The following CEP128 variants were observed in gnomAD, a reference collection of about 807,000 sequenced individuals.
CEP128 encodes the protein centrosomal protein 128, also known as centrosomal protein 128kDa.
A neutral mutation model predicts 156.7 loss-of-function variants in CEP128; 132 were observed. That is an observed-to-expected ratio of 0.84 (90% CI 0.73 to 0.97). The LOEUF is 0.97. Ranked by LOEUF, CEP128 falls within the 50% of genes least tolerant of loss-of-function variation. CEP128 has a pLI of 0.00. For missense variants in CEP128, 1,252 were observed against 1,281.9 expected (o/e 0.98, Z 0.36); for synonymous variants, 469 against 448.9 (o/e 1.04, Z -0.57).
intron 8 of CEP128, among the ~76,000 whole-genome samples, chr14:80,874,155 A>G (rs1282890663): frequency 6.6e-6 from 1 of 152,138 alleles, no homozygotes; most frequent in East Asian, 1.9e-4. Flanking sequence ...ACTTAGTCAA[A>G]TCTTGTGCAT....
At chr14:80,925,007 G>T (rs1885070588) in intron 2 of CEP128, among the ~76,000 whole-genome samples, 1 of 152,096 alleles carries the variant, frequency 6.6e-6, no homozygotes, top group African/African-American at 2.4e-5. Context: ...TCTGGTTTTG[G>T]TAGCTGGATG....
At chr14:80,891,506 A>C (rs144315702) in intron 8 of CEP128, among the ~76,000 whole-genome samples, 2 of 151,852 alleles carry the variant, frequency 1.3e-5, no homozygotes, top group Non-Finnish European at 2.9e-5. Context: ...TCAAATTCAC[A>C]GAGAGTACAA....
intron 19 of CEP128, among the ~76,000 whole-genome samples, chr14:80,590,513 T>A (rs1474047265): frequency 6.6e-6 from 1 of 151,940 alleles, no homozygotes; most frequent in Non-Finnish European, 1.5e-5. Flanking sequence ...AAATACTGTT[T>A]AGGAATAAAG....
At chr14:80,944,737 G>A (rs532071117), upstream of CEP128, among the ~76,000 whole-genome samples, 1 of 147,708 alleles carries the variant, frequency 6.8e-6, no homozygotes, top group South Asian at 2.2e-4. Flanking sequence ...CAGGAGAACG[G>A]CGTAAACCCG....
chr14:80,772,951 A>G (rs989532827), intron 16 of CEP128, among the ~76,000 whole-genome samples: 1 of 152,224 alleles, frequency 6.6e-6, no homozygotes, highest in Non-Finnish European at 1.5e-5. Flanking sequence ...CGAACTTGCA[A>G]CATTGTCAAG....
In CEP128 at chr14:80,934,397, G is replaced by C. The variant is rs146079296; in HGVS notation, c.-16+4988C>G. Reference sequence around the variant, plus strand: ...ACATCGATAAAGTAGAAACATACTGGATTTAACGATTGGAGCACATAGCTG... The same window carrying C: ...ACATCGATAAAGTAGAAACATACTGCATTTAACGATTGGAGCACATAGCTG... On this transcript the variant is annotated intron_variant, in intron 2 of 24. Coordinates refer to ENST00000555265, the MANE Select transcript of CEP128 (RefSeq NM_152446.5). Among the ~76,000 whole-genome samples the C allele has an allele frequency of 5.9e-5, 9 of 152,326 alleles. No individual in the cohort carries two copies. In the East Asian group the frequency reaches 1.7e-3, roughly 29 times the overall value.
At chr14:80,700,447 C>G (rs974456229) in intron 19 of CEP128, among the ~76,000 whole-genome samples, 1 of 151,786 alleles carries the variant, frequency 6.6e-6, no homozygotes, top group Non-Finnish European at 1.5e-5. Flanking sequence ...AAAAACAAGA[C>G]TAAACTGCAA....
At chr14:80,553,124 G>C (rs1890280992) in intron 21 of CEP128, among the ~76,000 whole-genome samples, 1 of 151,220 alleles carries the variant, frequency 6.6e-6, no homozygotes, top group East Asian at 1.9e-4. Flanking sequence ...TACATGTGCA[G>C]AATGTGCAGA....
At chr14:80,776,006 G>T (rs1373912330) in intron 16 of CEP128, among the ~76,000 whole-genome samples, 1 of 152,016 alleles carries the variant, frequency 6.6e-6, no homozygotes, top group African/African-American at 2.4e-5. Flanking sequence ...GCTAATTTTT[G>T]TATTTTTAGC....
downstream of CEP128, among the ~76,000 whole-genome samples, chr14:80,486,623 C>A (rs1007721304): frequency 2.0e-5 from 3 of 152,120 alleles, no homozygotes; most frequent in Admixed American, 2.0e-4. Flanking sequence ...CAGAGAGAAA[C>A]GTTGGGTTAC....
chr14:80,623,316 G>A lies in CEP128; in HGVS notation c.2807-42893C>T, dbSNP rs1169178680. 5.3e-5 allele frequency among the ~76,000 whole-genome samples: 8 copies of A among 150,952 alleles called. No homozygotes were observed. In the East Asian group the frequency reaches 1.6e-3, roughly 30 times the overall value. On this transcript the variant is annotated intron_variant, in intron 19 of 24. Transcript: ENST00000555265. ...ACACTCTGGGGACTGTTGTGGGGTGGGGGGAAGGGGGAGGGATAGCATTGG... is the reference window on the plus strand; with the variant it reads ...ACACTCTGGGGACTGTTGTGGGGTGAGGGGAAGGGGGAGGGATAGCATTGG...
chr14:80,920,119 A>G (rs1182881055), intron 2 of CEP128, among the ~76,000 whole-genome samples: 18 of 152,234 alleles, frequency 1.2e-4, no homozygotes, highest in Non-Finnish European at 2.9e-5. Flanking sequence ...AAAATCTGGC[A>G]TTTTCTTCCA....
chr14:80,492,132 T>A (rs1189505647), downstream of CEP128, among the ~76,000 whole-genome samples: 1 of 152,164 alleles, frequency 6.6e-6, no homozygotes, highest in Non-Finnish European at 1.5e-5. Context: ...TATTTGAAAT[T>A]GAAATTTTAA....
At chr14:80,957,471 A>AC (rs1224070660) in intron 2 of CEP128, among the ~76,000 whole-genome samples, 1 of 152,194 alleles carries the variant, frequency 6.6e-6, no homozygotes, top group Non-Finnish European at 1.5e-5. Flanking sequence ...AAAAACAAAA[A>AC]AAAAAAAACT....
intron 18 of CEP128, among the ~76,000 whole-genome samples, chr14:80,750,470 T>G (rs1363176811): frequency 6.6e-6 from 1 of 152,094 alleles, no homozygotes; most frequent in African/African-American, 2.4e-5. Flanking sequence ...ATTGTCTGAG[T>G]TTTCAAATGT....
intron 19 of CEP128, among the ~76,000 whole-genome samples, chr14:80,736,288 T>C (rs1898528560): frequency 6.6e-6 from 1 of 151,924 alleles, no homozygotes; most frequent in African/African-American, 2.4e-5. Context: ...AATATATGCT[T>C]TGAATTTAAT....
At chr14:80,563,612 C>A (rs759135984) in intron 20 of CEP128, among the ~76,000 whole-genome samples, 36 of 139,812 alleles carry the variant, frequency 2.6e-4, no homozygotes, top group Non-Finnish European at 4.1e-4. Flanking sequence ...CGGCTCACTG[C>A]AACCTCCACC....
chr14:80,519,987 A>T (rs1888661718), intron 23 of CEP128, among the ~76,000 whole-genome samples: 1 of 152,230 alleles, frequency 6.6e-6, no homozygotes, highest in Non-Finnish European at 1.5e-5. Flanking sequence ...GCTGCACCAG[A>T]TCATCTCTAA....
At chr14:80,551,591 T>A (rs1890210077) in intron 21 of CEP128, among the ~76,000 whole-genome samples, 1 of 152,212 alleles carries the variant, frequency 6.6e-6, no homozygotes, top group African/African-American at 2.4e-5. Context: ...CTAAAACAGA[T>A]ACATAGGTAA....
Sources: allele counts gnomAD v4.1 joint callset (sites outside exome capture counted in the v4.1 genomes callset), GRCh38; gene constraint gnomAD v4.1.1; transcripts MANE v1.5; gene names NCBI Gene and HGNC (gene_info 2026-07-23, HGNC 2026-07-21).